NCKAP5: variants seen among roughly 807,000 people sequenced by gnomAD.
NCKAP5 encodes nck-associated protein 5.
Under a neutral mutation model 167.0 loss-of-function variants are expected in NCKAP5, and 92 were observed. The ratio of observed to expected loss-of-function variants is 0.55; its 90% CI spans 0.47 to 0.66. NCKAP5 has a LOEUF of 0.66. Among genes scored for constraint, NCKAP5 ranks in the 30% least tolerant of loss-of-function variants. The pLI is 0.00. For synonymous variants in NCKAP5, 891 were observed against 877.4 expected (o/e 1.02, Z -0.27); for missense variants, 2,378 against 2,315.0 (o/e 1.03, Z -0.56).
chr2:133,600,900 G>A, the NCKAP5 span, among the ~76,000 whole-genome samples: 5 of 152,170 alleles, frequency 3.3e-5, no homozygotes, highest in Admixed American at 6.5e-5. Context: ...CAACCTCCAC[G>A]CCAGAAGCAG....
chr2:132,937,821 T>C (rs1696971807), intron 8 of NCKAP5, among the ~76,000 whole-genome samples: 1 of 152,208 alleles, frequency 6.6e-6, no homozygotes, highest in Non-Finnish European at 1.5e-5. Flanking sequence ...CCACTATAAA[T>C]ACACAAAGTA....
the NCKAP5 span, among the ~76,000 whole-genome samples, chr2:133,642,599 A>T: frequency 6.6e-6 from 1 of 152,232 alleles, no homozygotes; most frequent in Non-Finnish European, 1.5e-5. Flanking sequence ...GATGGTCTTC[A>T]TAGAGTGAGA....
chr2:132,937,229 T>A (rs1391267717), intron 8 of NCKAP5, among the ~76,000 whole-genome samples: 1 of 152,192 alleles, frequency 6.6e-6, no homozygotes, highest in African/African-American at 2.4e-5. Flanking sequence ...AGGTGCTGGC[T>A]GCTAGGAGTA....
At chr2:133,253,393 A>G (rs1022359069) in intron 4 of NCKAP5, among the ~76,000 whole-genome samples, 1 of 152,248 alleles carries the variant, frequency 6.6e-6, no homozygotes, top group Non-Finnish European at 1.5e-5. Flanking sequence ...TTCATGGAAG[A>G]GGCAGTATAT....
the NCKAP5 span, among the ~76,000 whole-genome samples, chr2:133,599,029 C>T: frequency 6.6e-6 from 1 of 152,174 alleles, no homozygotes; most frequent in Non-Finnish European, 1.5e-5. Flanking sequence ...CTGCAAATCT[C>T]CCACTCTTTG....
At chr2:133,636,511 A>C in the NCKAP5 span, among the ~76,000 whole-genome samples, 1 of 152,236 alleles carries the variant, frequency 6.6e-6, no homozygotes, top group Admixed American at 6.5e-5. Context: ...GAGCAATTTC[A>C]GACCAGCGAT....
At position 133,052,446 on chromosome 2, in the gene NCKAP5, G is replaced by A. The variant is rs565672846; in HGVS notation, c.342-58207C>T. On this transcript the variant is annotated intron_variant, in intron 6 of 19. Transcript: ENST00000409261. Reference sequence around the variant, plus strand: ...AAACTGGAGAGTTTGGGCCGGGCACGGTGGCTCACGCCTGTAATTCCAGCT... The same window carrying A: ...AAACTGGAGAGTTTGGGCCGGGCACAGTGGCTCACGCCTGTAATTCCAGCT... Among the ~76,000 whole-genome samples the A allele has an allele frequency of 2.4e-4, 36 of 152,288 alleles. 1 individual carries two copies. In the South Asian group the frequency reaches 5.4e-3, roughly 23 times the overall value.
At chr2:132,898,297 C>T (rs940251858) in intron 8 of NCKAP5, among the ~76,000 whole-genome samples, 6 of 152,242 alleles carry the variant, frequency 3.9e-5, no homozygotes, top group African/African-American at 2.4e-5. Context: ...TCAAGCTCTG[C>T]TTCTAATTCT....
Position 133,467,041 on chromosome 2 carries a change from A to C in NCKAP5, c.69+50417T>G, listed in dbSNP as rs535995596. 5.6e-3 allele frequency among the ~76,000 whole-genome samples: 854 copies of C among 151,688 alleles called. 8 individuals are homozygous for C. The highest frequency in any genetic ancestry group is 0.019 in the African/African-American group (798 of 41,124). ...GATTGCCCTGGCCAGAACTTCCAACATTATGTTGAATAGGAGTGGTGAGAG... is the reference window on the plus strand; with the variant it reads ...GATTGCCCTGGCCAGAACTTCCAACCTTATGTTGAATAGGAGTGGTGAGAG... On this transcript the variant is annotated intron_variant, in intron 3 of 19. Transcript: ENST00000409261.
At chr2:132,798,716 A>G (rs1028448863) in intron 11 of NCKAP5, among the ~76,000 whole-genome samples, 8 of 152,186 alleles carry the variant, frequency 5.3e-5, no homozygotes, top group Admixed American at 2.6e-4. Context: ...GAAGGTCTGC[A>G]TGGGAGAAAG....
At chr2:132,839,538 A>G (rs1688140525) in intron 11 of NCKAP5, among the ~76,000 whole-genome samples, 2 of 151,916 alleles carry the variant, frequency 1.3e-5, no homozygotes, top group African/African-American at 4.8e-5. Context: ...AGGCGGGCAG[A>G]TTGCTTAAGC....
At chr2:133,494,609 G>A (rs1681766932) in intron 3 of NCKAP5, among the ~76,000 whole-genome samples, 1 of 152,094 alleles carries the variant, frequency 6.6e-6, no homozygotes, top group Non-Finnish European at 1.5e-5. Flanking sequence ...ATGATGAGAA[G>A]GTGCGGTCAG....
intron 4 of NCKAP5, among the ~76,000 whole-genome samples, chr2:133,245,203 C>G (rs2087915934): frequency 6.6e-6 from 1 of 151,984 alleles, no homozygotes; most frequent in African/African-American, 2.4e-5. Flanking sequence ...CACAGAAGAC[C>G]CAGACCAGGA....
intron 8 of NCKAP5, among the ~76,000 whole-genome samples, chr2:132,958,920 C>G (rs4954011): frequency 0.33 from 50,654 of 151,324 alleles, 11,505 homozygotes; most frequent in African/African-American, 0.61. Flanking sequence ...TTTATTATTT[C>G]ATTTAAGTAT....
At chr2:133,255,932 T>C (rs113444610) in intron 4 of NCKAP5, among the ~76,000 whole-genome samples, 123 of 152,330 alleles carry the variant, frequency 8.1e-4, no homozygotes, top group Admixed American at 2.4e-3. Context: ...AGGAACATGC[T>C]TTCCCTTAAA....
In NCKAP5 at chr2:133,470,364, C is replaced by T. The variant is rs918924302; in HGVS notation, c.69+47094G>A. ...GGACCCACTTGAGGAGGCAGTCTGC[C>T]GGTTCCCAGATCTCCAGCTGCGTGC... On this transcript the variant is annotated intron_variant, in intron 3 of 19. Transcript: ENST00000409261. Among the ~76,000 whole-genome samples the T allele has an allele frequency of 4.5e-4, 69 of 152,276 alleles. 1 individual carries two copies. In the South Asian group the frequency reaches 4.8e-3, roughly 11 times the overall value.
At chr2:133,460,595 T>G (rs939474253) in intron 3 of NCKAP5, among the ~76,000 whole-genome samples, 16 of 152,282 alleles carry the variant, frequency 1.1e-4, no homozygotes, top group African/African-American at 3.4e-4. Context: ...CAGATGCATA[T>G]AATGCTCATA....
At chr2:133,182,145 C>T (rs1008767602) in intron 5 of NCKAP5, among the ~76,000 whole-genome samples, 1 of 152,100 alleles carries the variant, frequency 6.6e-6, no homozygotes, top group Admixed American at 6.5e-5. Context: ...TAGACAAATA[C>T]ACAATTATAG....
intron 19 of NCKAP5, among the ~76,000 whole-genome samples, chr2:132,717,408 G>C (rs1689470897): frequency 1.3e-5 from 2 of 152,190 alleles, no homozygotes; most frequent in Admixed American, 1.3e-4. Context: ...GCATATTACA[G>C]AGATTTGTCA....
Sources: gnomAD v4.1 joint callset for allele counts (sites outside exome capture counted in the v4.1 genomes callset) on GRCh38, gnomAD v4.1.1 for gene constraint, MANE v1.5 for transcripts, NCBI Gene and HGNC (gene_info 2026-07-23, HGNC 2026-07-21) for gene names.